DUS2: variants seen among roughly 807,000 people sequenced by gnomAD.
DUS2 encodes the protein tRNA-dihydrouridine(20) synthase [NAD(P)+]-like.
A neutral mutation model predicts 71.3 loss-of-function variants in DUS2; 52 were observed. The observed-to-expected ratio is 0.73, with a 90% CI of 0.58 to 0.92. DUS2 has a LOEUF of 0.92. DUS2 is among the 40% of genes least tolerant of loss of function. The pLI, the probability that DUS2 is intolerant of heterozygous loss-of-function variation, is 0.00. For synonymous variants in DUS2, 204 were observed against 227.8 expected (o/e 0.90, Z 0.94); for missense variants, 558 against 622.6 (o/e 0.90, Z 1.10).
At chr16:68,048,659 G>A (rs1447960113) in intron 3 of DUS2, among the ~76,000 whole-genome samples, 2 of 152,200 alleles carry the variant, frequency 1.3e-5, no homozygotes, top group African/African-American at 2.4e-5. Flanking sequence ...TAGGTACTCC[G>A]ATGAGTGAGT....
At chr16:68,074,005 G>C (rs1229244331) in intron 12 of DUS2, 29 bp from the exon 13 acceptor site, 1 of 1,613,172 alleles carries the variant, frequency 6.2e-7, no homozygotes, top group Non-Finnish European at 8.5e-7. Flanking sequence ...AGCCTGCCTG[G>C]GCATCAGGCA....
intron 12 of DUS2, among the ~76,000 whole-genome samples, chr16:68,072,920 A>C (rs2034107573): frequency 6.6e-6 from 1 of 152,206 alleles, no homozygotes; most frequent in South Asian, 2.1e-4. Context: ...AACCCATGTG[A>C]ACTAAATGAT....
rs146627486 is a variant in DUS2 at position 68,078,733 on chromosome 16, C to T, written c.1245-16C>T. 0.014 allele frequency: 22,778 copies of T among 1,596,010 alleles called. 203 individuals carry two copies. Among genetic ancestry groups the T allele is most frequent in the South Asian group, 0.027 (2,437 of 89,908 alleles). On this transcript the variant is annotated splice_polypyrimidine_tract_variant and intron_variant, in intron 16 of 16. Transcript: ENST00000565263. ...CTGCACCCTGCCCCTCACCTTATTG[C>T]CCTCTGTCTGCTCAGGGACAAGTCC...
intron 3 of DUS2, among the ~76,000 whole-genome samples, chr16:68,039,818 G>C (rs1477866090): frequency 1.3e-5 from 2 of 152,182 alleles, no homozygotes; most frequent in Middle Eastern, 3.4e-3. Context: ...CTAGCACATA[G>C]ACATGAACAC....
chr16:68,042,328 C>A (rs1024603644), intron 3 of DUS2, among the ~76,000 whole-genome samples: 5 of 152,142 alleles, frequency 3.3e-5, no homozygotes, highest in Admixed American at 6.5e-5. Context: ...TGAACATGGG[C>A]GTGCAAATAA....
chr16:68,037,655 G>A (rs1221877542), intron 2 of DUS2, among the ~76,000 whole-genome samples: 1 of 152,006 alleles, frequency 6.6e-6, no homozygotes, highest in Admixed American at 6.6e-5. Flanking sequence ...CTGACCTCAG[G>A]TGATCCGCCT....
intron 12 of DUS2, among the ~76,000 whole-genome samples, chr16:68,071,456 A>T (rs1449426513): frequency 2.0e-5 from 3 of 152,192 alleles, no homozygotes; most frequent in Non-Finnish European, 2.9e-5. Flanking sequence ...ATGCACGTGG[A>T]CTGTGGGTTC....
intron 7 of DUS2, among the ~76,000 whole-genome samples, chr16:68,060,303 T>A (rs2033920887): frequency 6.6e-6 from 1 of 152,080 alleles, no homozygotes; most frequent in Admixed American, 6.6e-5. Flanking sequence ...GGGATCAGAA[T>A]GATGACTTTT....
chr16:68,070,179 C>G lies in DUS2; in HGVS notation c.600C>G (p.Ile200Met), dbSNP rs1288587724. ...RPQHPVSCEVIKAIADTLSIP... is the reference protein window; with the variant it reads ...RPQHPVSCEVMKAIADTLSIP... ...AGCATCCTGTCAGCTGTGAAGTCAT[C>G]AAAGCCATTGCTGATACCCTCTCCA... The change falls in exon 11 of 17, where the codon ATC (isoleucine) becomes ATG (methionine). Residue 200 changes from isoleucine to methionine, a missense_variant. Transcript: ENST00000565263. 6.2e-7 allele frequency: 1 copy of G among 1,614,068 alleles called. No homozygotes were observed. Among genetic ancestry groups the G allele is most frequent in the Non-Finnish European group, 8.5e-7 (1 of 1,180,026 alleles).
intron 15 of DUS2, chr16:68,077,503 C>G (rs535436312): frequency 6.6e-6 from 1 of 152,286 alleles, no homozygotes; most frequent in Admixed American, 6.5e-5. Context: ...TCTCCTGTGT[C>G]AGCCTCCTGA....
intron 4 of DUS2, among the ~76,000 whole-genome samples, chr16:68,052,195 C>T (rs1280861262): frequency 6.6e-6 from 1 of 152,036 alleles, no homozygotes; most frequent in Non-Finnish European, 1.5e-5. Flanking sequence ...TGTGAGCCAC[C>T]GCACCCAGCC....
rs773375333 is a variant in DUS2, at chr16:68,078,898, C to A, written c.1394C>A (p.Ala465Asp). The part of the protein sequence containing the change: ...APDQDPGGPR[A>D]QELAQPGDLC... ...GACCAAGACCCTGGGGGCCCCAGAG[C>A]TCAGGAGCTAGCACAACCTGGGGAT... Residue 465 changes from alanine to aspartate, a missense_variant, in exon 17 of 17, where the codon GCT becomes GAT. Physicochemically the swap from Ala to Asp is moderately radical, Grantham distance 126. Transcript: ENST00000565263. 1 of 1,613,128 alleles carries A rather than the reference C, an allele frequency of 6.2e-7. No homozygotes were observed.
At position 68,053,619 on chromosome 16, in the gene DUS2, C is replaced by A. The variant is rs2033810750; in HGVS notation, c.228C>A (p.Thr76=). 6.2e-7 allele frequency: 1 copy of A among 1,614,092 alleles called. No individual in the cohort carries two copies. Among genetic ancestry groups the A allele is most frequent in the South Asian group, 1.1e-5 (1 of 91,092 alleles). ...VAPDDRVVFR[T]CEREQNRVVF... is the part of the protein sequence containing the mutation. ...CTGATGATCGAGTTGTCTTCCGCAC[C>A]TGTGAAAGAGAGCAGAACAGGGTGG... Residue 76 remains threonine (T), a synonymous_variant, in exon 5 of 17, where the codon ACC becomes ACA. Coordinates refer to ENST00000565263, the MANE Select transcript of DUS2 (RefSeq NM_017803.5).
At chr16:68,069,921 G>A (rs1460164924) in intron 10 of DUS2, among the ~76,000 whole-genome samples, 1 of 152,180 alleles carries the variant, frequency 6.6e-6, no homozygotes, top group African/African-American at 2.4e-5. Flanking sequence ...TGGACTTGCC[G>A]TCTCAGCATG....
intron 7 of DUS2, among the ~76,000 whole-genome samples, chr16:68,059,600 C>A (rs544144536): frequency 1.3e-5 from 2 of 152,164 alleles, no homozygotes; most frequent in Non-Finnish European, 2.9e-5. Flanking sequence ...TCAGCCTGGC[C>A]GAGTCTGTGG....
At chr16:68,074,882 C>T (rs1349012901) in intron 13 of DUS2, among the ~76,000 whole-genome samples, 1 of 152,220 alleles carries the variant, frequency 6.6e-6, no homozygotes, top group African/African-American at 2.4e-5. Flanking sequence ...GTCCCTACCC[C>T]ACATAACTCT....
At chr16:68,052,637 T>C (rs2033793754) in intron 4 of DUS2, among the ~76,000 whole-genome samples, 1 of 151,820 alleles carries the variant, frequency 6.6e-6, no homozygotes, top group Admixed American at 6.6e-5. Flanking sequence ...CAAACTTCCA[T>C]GTATGGACTT....
chr16:68,079,052 A>G lies in DUS2; in HGVS notation c.*66A>G. ...CTAAGGTGGCTGTGGATGCCACAGC[A>G]TGAACCAGATGCCGTTGAACAGTTT... On this transcript the variant is annotated 3_prime_UTR_variant, in exon 17 of 17. Transcript: ENST00000565263. 1 of 1,323,582 alleles carries G rather than the reference A, an allele frequency of 7.6e-7. No homozygotes were observed. The highest frequency in any genetic ancestry group is 2.3e-5 in the East Asian group (1 of 42,696). The allele number at this position is 1,323,582 out of a possible 1,614,324, so 82.0% of individuals were successfully genotyped here.
intron 4 of DUS2, among the ~76,000 whole-genome samples, chr16:68,050,207 G>A (rs1472077695): frequency 6.6e-6 from 1 of 151,796 alleles, no homozygotes; most frequent in African/African-American, 2.4e-5. Flanking sequence ...GCGCGGTCTT[G>A]GTTCACTGCA....
Sources: allele counts gnomAD v4.1 joint callset (sites outside exome capture counted in the v4.1 genomes callset), GRCh38; gene constraint gnomAD v4.1.1; transcripts MANE v1.5; gene names NCBI Gene and HGNC (gene_info 2026-07-23, HGNC 2026-07-21).